Variants in GGA2 observed in about 807,000 individuals in gnomAD.
The protein encoded by GGA2 is ADP-ribosylation factor-binding protein GGA2.
In GGA2, 48 loss-of-function variants were observed where a neutral mutation model predicts 79.5. That is an observed-to-expected ratio of 0.60 (90% confidence interval 0.48 to 0.77). GGA2 has a LOEUF of 0.77. GGA2 is among the 30% of genes least tolerant of loss of function. GGA2 has a pLI of 0.00. For missense variants in GGA2, 770 were observed against 774.0 expected, an observed-to-expected ratio of 0.99 and a Z score of 0.06; for synonymous variants, 317 against 302.0, an observed-to-expected ratio of 1.05 and a Z score of -0.51.
At chr16:23,496,955 T>TA (rs572552890) in intron 1 of GGA2, among the ~76,000 whole-genome samples, 11,472 of 123,020 alleles carry the variant, frequency 0.093, 958 homozygotes, top group African/African-American at 0.22. Context: ...AGACTCCATC[T>TA]AAAAAAAAAA....
Position 23,465,495 on chromosome 16 carries a change from CAT to C in GGA2, c.*2093_*2094del, listed in dbSNP as rs1197334155. Reference sequence around the variant, plus strand: ...TCAAAAGCAAGAATGTTCAGGTACACATGTGTGAGTTCACCTCCTAACTATAG... The same window carrying C: ...TCAAAAGCAAGAATGTTCAGGTACACGTGTGAGTTCACCTCCTAACTATAG... On this transcript the variant is annotated 3_prime_UTR_variant, in exon 17 of 17. Transcript: ENST00000309859. 58 of 693,684 alleles carry C rather than the reference CAT, an allele frequency of 8.4e-5. No individual in the cohort carries two copies. Among genetic ancestry groups the C allele is most frequent in the East Asian group, 2.2e-4 (8 of 37,204 alleles). The allele number at this position is 693,684 out of a possible 1,614,324, so 43.0% of individuals were successfully genotyped here.
intron 1 of GGA2, chr16:23,521,670 G>A (rs1356926091): frequency 1.3e-5 from 6 of 452,642 alleles, no homozygotes; most frequent in Admixed American, 9.5e-5. Flanking sequence ...AAAGCATTAG[G>A]ACGTATTTGT....
intron 14 of GGA2, among the ~76,000 whole-genome samples, chr16:23,474,530 G>GT (rs1315525065): frequency 6.6e-6 from 1 of 151,866 alleles, no homozygotes; most frequent in Non-Finnish European, 1.5e-5. Context: ...GCTAATGTTT[G>GT]TATTTTTTGT....
intron 13 of GGA2, among the ~76,000 whole-genome samples, chr16:23,477,715 C>G (rs995424681): frequency 2.0e-5 from 3 of 152,096 alleles, no homozygotes; most frequent in Non-Finnish European, 4.4e-5. Context: ...CCACTGCACT[C>G]CACCCAGGGC....
chr16:23,473,862 C>A (rs543541050), intron 14 of GGA2, among the ~76,000 whole-genome samples: 1 of 152,212 alleles, frequency 6.6e-6, no homozygotes, highest in Non-Finnish European at 1.5e-5. Flanking sequence ...AATCAAAAAT[C>A]AATAAAGAAA....
intron 12 of GGA2, 77 bp from the exon 13 acceptor site, chr16:23,478,578 T>G: frequency 5.7e-5 from 80 of 1,413,598 alleles, no homozygotes; most frequent in Non-Finnish European, 7.8e-5. Context: ...GGCACAGCTC[T>G]CCTGAGCCCA....
intron 13 of GGA2, among the ~76,000 whole-genome samples, chr16:23,475,309 C>A (rs1964563723): frequency 6.6e-6 from 1 of 151,432 alleles, no homozygotes; most frequent in Non-Finnish European, 1.5e-5. Flanking sequence ...CCTGACTCAG[C>A]CTCCCGAGTA....
At position 23,473,031 on chromosome 16, in the gene GGA2, C is replaced by CAA. The variant is rs71379682; in HGVS notation, c.1450+1871_1450+1872dup. Among the ~76,000 whole-genome samples, 923 of 114,112 alleles carry CAA rather than the reference C, an allele frequency of 8.1e-3. 21 individuals are homozygous for CAA. Among genetic ancestry groups the CAA allele is most frequent in the South Asian group, 0.017 (60 of 3,458 alleles). 74.9% of individuals were successfully genotyped at this position (114,112 alleles called of 152,430 possible). On this transcript the variant is annotated intron_variant, in intron 14 of 16. Coordinates refer to ENST00000309859, the MANE Select transcript of GGA2 (RefSeq NM_015044.4). ...CTGGGTGACAGCGAGACTCTGTCTC[C>CAA]AAAAAAAAAAAAAAAAAGACTGAAT...
chr16:23,504,022 G>A (rs886309921), intron 1 of GGA2, among the ~76,000 whole-genome samples: 5 of 151,846 alleles, frequency 3.3e-5, no homozygotes, highest in African/African-American at 7.3e-5. Context: ...CGGAGGTTGC[G>A]GTGAGCCAAG....
Position 23,510,439 on chromosome 16 carries a change from G to A in GGA2, c.-28C>T. Reference sequence around the variant, plus strand: ...CTCCAGCCCCGACGCTGCGGCCGCGGGCGCCACTGCCTCTTCAGCCGCTGT... The same window carrying A: ...CTCCAGCCCCGACGCTGCGGCCGCGAGCGCCACTGCCTCTTCAGCCGCTGT... On this transcript the variant is annotated 5_prime_UTR_variant, in exon 1 of 17. Transcript: ENST00000309859. 3 of 916,752 alleles carry A rather than the reference G, an allele frequency of 3.3e-6. No homozygotes were observed. Among genetic ancestry groups the A allele is most frequent in the Non-Finnish European group, 4.4e-6 (3 of 683,392 alleles). 56.8% of individuals were successfully genotyped at this position (916,752 alleles called of 1,614,324 possible). A position where few individuals can be genotyped will look rare whatever the true frequency, so the allele number is the denominator to read the frequency against.
intron 2 of GGA2, 119 bp from the exon 3 acceptor site, chr16:23,494,497 G>A (rs1964830448): frequency 1.3e-6 from 1 of 753,216 alleles, no homozygotes; most frequent in South Asian, 1.5e-5. Context: ...AGCAGAGGTG[G>A]AGCGTGCCTG....
chr16:23,470,695 G>A (rs1000486913), intron 14 of GGA2, among the ~76,000 whole-genome samples: 3 of 151,862 alleles, frequency 2.0e-5, no homozygotes, highest in Admixed American at 6.6e-5. Context: ...CTCGGGAGGC[G>A]GAGGTTGCAA....
chr16:23,475,511 A>G (rs1964566245), intron 13 of GGA2, among the ~76,000 whole-genome samples: 1 of 152,012 alleles, frequency 6.6e-6, no homozygotes, highest in Non-Finnish European at 1.5e-5. Flanking sequence ...TTGTCAAGTA[A>G]TCGAACTCAT....
intron 1 of GGA2, among the ~76,000 whole-genome samples, chr16:23,499,437 C>A (rs1964895482): frequency 6.6e-6 from 1 of 152,080 alleles, no homozygotes; most frequent in Admixed American, 6.5e-5. Flanking sequence ...AGCTACCACA[C>A]CCGGCCGGCA....
chr16:23,467,997 G>A (rs1460823526), intron 16 of GGA2, among the ~76,000 whole-genome samples: 1 of 152,134 alleles, frequency 6.6e-6, no homozygotes, highest in Admixed American at 6.6e-5. Context: ...TTGGTCCCCA[G>A]CTATGACAAT....
chr16:23,472,850 C>T (rs549610488), intron 14 of GGA2, among the ~76,000 whole-genome samples: 65 of 151,804 alleles, frequency 4.3e-4, no homozygotes, highest in Non-Finnish European at 4.1e-4. Flanking sequence ...CTGGCTAACA[C>T]GGTGAAACCC....
chr16:23,514,503 C>T (rs993100451), upstream of GGA2, among the ~76,000 whole-genome samples: 5 of 151,954 alleles, frequency 3.3e-5, no homozygotes, highest in East Asian at 1.9e-4. Flanking sequence ...GCTGGAGTTC[C>T]GTGGCACCAC....
At chr16:23,484,477 C>T (rs1182919944) in intron 8 of GGA2, among the ~76,000 whole-genome samples, 1 of 152,152 alleles carries the variant, frequency 6.6e-6, no homozygotes, top group Non-Finnish European at 1.5e-5. Context: ...AGTGAAAAGA[C>T]AGCCCAAAGG....
At chr16:23,488,842 C>CAACA in intron 5 of GGA2, 133 bp from the exon 6 acceptor site, 1 of 610,236 alleles carries the variant, frequency 1.6e-6, no homozygotes, top group South Asian at 1.9e-5. Context: ...CCTTCAAAGA[C>CAACA]AACACCCAGT....
Sources: allele counts gnomAD v4.1 joint callset (sites outside exome capture counted in the v4.1 genomes callset), GRCh38; gene constraint gnomAD v4.1.1; transcripts MANE v1.5; gene names NCBI Gene and HGNC (gene_info 2026-07-23, HGNC 2026-07-21).